The following PRPSAP2 variants were observed in gnomAD, a reference collection of about 807,000 sequenced individuals.
The protein encoded by PRPSAP2 is phosphoribosyl pyrophosphate synthetase associated protein 2, also known as phosphoribosyl pyrophosphate synthase-associated protein 2.
In PRPSAP2, 24 loss-of-function variants were observed where a neutral mutation model predicts 40.6. That is an observed-to-expected ratio of 0.59 (90% CI 0.43 to 0.83). The LOEUF (loss-of-function observed/expected upper bound fraction) is 0.83, where lower values mean the gene tolerates loss of function less well. Ranked by LOEUF, PRPSAP2 falls within the 40% of genes least tolerant of loss-of-function variation. PRPSAP2 has a pLI of 0.00. For synonymous variants in PRPSAP2, 149 were observed against 164.7 expected, an observed-to-expected ratio of 0.90 and a Z score of 0.73; for missense variants, 292 against 465.6, an observed-to-expected ratio of 0.63 and a Z score of 3.43.
At chr17:18,899,545 T>TTTTTTA (rs752831196) in intron 8 of PRPSAP2, among the ~76,000 whole-genome samples, 1 of 108,326 alleles carries the variant, frequency 9.2e-6, no homozygotes, top group Admixed American at 9.7e-5. Flanking sequence ...TTTTTTTTTT[T>TTTTTTA]GAGACAGGGT....
chr17:18,889,736 C>T, intron 7 of PRPSAP2, 86 bp from the exon 8 acceptor site: 3 of 1,112,070 alleles, frequency 2.7e-6, no homozygotes, highest in East Asian at 2.7e-5. Context: ...TTTTGGAAAA[C>T]TTTCAACTAG....
At chr17:18,914,729 C>T (rs1306523772) in intron 9 of PRPSAP2, among the ~76,000 whole-genome samples, 3 of 143,826 alleles carry the variant, frequency 2.1e-5, no homozygotes, top group Non-Finnish European at 4.5e-5. Context: ...TTTCACTGCC[C>T]TTTTTTTTTT....
Position 18,877,714 on chromosome 17 carries a change from A to T in PRPSAP2, c.256A>T (p.Ile86Phe). 1.2e-6 allele frequency: 2 copies of T among 1,609,242 alleles called. No homozygotes were observed. Among genetic ancestry groups the T allele is most frequent in the Non-Finnish European group, 1.7e-6 (2 of 1,178,646 alleles). ...QTVSKDVNTT[I>F]MELLIMVYAC... ...TTGTTACAGGGACGTGAACACCACC[A>T]TCATGGAGCTCCTGATCATGGTGTA... The change falls in exon 6 of 12, where the codon ATC becomes TTC. Residue 86 changes from isoleucine (I) to phenylalanine (F), a missense_variant. Ile to Phe is a conservative substitution (Grantham distance 21). Around this residue, in one of 2 missense-constraint regions of PRPSAP2, gnomAD observed 241 missense variants for 425.7 expected, o/e 0.57. Coordinates refer to ENST00000268835, the MANE Select transcript of PRPSAP2 (RefSeq NM_002767.4).
Position 18,911,348 on chromosome 17 carries a change from T to TA in PRPSAP2, c.733+98dup, listed in dbSNP as rs1555561224. The stretch of plus-strand genomic sequence containing the variant: ...TTTTTCCTCATTCTTCGTTTTTTTT[T>TA]AGTTGGCAAAAACTCATTAACACCT... On this transcript the variant is annotated intron_variant, in intron 9 of 11. Coordinates refer to ENST00000268835, the MANE Select transcript of PRPSAP2 (RefSeq NM_002767.4). The surrounding 1 kb of genome is among the most constrained non-coding windows in gnomAD (Gnocchi z 4.5). 1,474 of 1,238,728 alleles carry TA rather than the reference T, an allele frequency of 1.2e-3. 1 individual carries two copies. Among genetic ancestry groups the TA allele is most frequent in the South Asian group, 4.8e-3 (241 of 50,704 alleles). The allele number at this position is 1,238,728 out of a possible 1,614,324, so 76.7% of individuals were successfully genotyped here.
chr17:18,882,260 C>G (rs1442256170), intron 6 of PRPSAP2, among the ~76,000 whole-genome samples: 1 of 151,826 alleles, frequency 6.6e-6, no homozygotes, highest in Non-Finnish European at 1.5e-5. Flanking sequence ...GCCTGTATTC[C>G]CAGCACTTTG....
chr17:18,863,649 C>T (rs1008775157), intron 1 of PRPSAP2, among the ~76,000 whole-genome samples: 1 of 151,984 alleles, frequency 6.6e-6, no homozygotes, highest in African/African-American at 2.4e-5. Flanking sequence ...TCTTCTGCCT[C>T]AGCCTCCCGA....
chr17:18,885,514 C>G (rs1272753758), intron 7 of PRPSAP2, among the ~76,000 whole-genome samples: 2 of 151,356 alleles, frequency 1.3e-5, no homozygotes, highest in African/African-American at 4.9e-5. Flanking sequence ...CTCTGTCACT[C>G]AGGCTGGAGT....
intron 9 of PRPSAP2, among the ~76,000 whole-genome samples, chr17:18,922,742 T>G (rs2041760243): frequency 6.9e-6 from 1 of 145,824 alleles, no homozygotes; most frequent in Admixed American, 7.0e-5. Flanking sequence ...GGTGCAATCG[T>G]GGCTCACTGG....
intron 3 of PRPSAP2, 89 bp downstream of exon 3, chr17:18,866,041 AAGC>A (rs2037400491): frequency 1.1e-6 from 1 of 903,014 alleles, no homozygotes; most frequent in African/African-American, 1.8e-5. Flanking sequence ...TTAAATTTGA[AAGC>A]AGATATTTTA....
intron 6 of PRPSAP2, among the ~76,000 whole-genome samples, chr17:18,880,610 T>C (rs2038661563): frequency 6.6e-6 from 1 of 152,140 alleles, no homozygotes; most frequent in South Asian, 2.1e-4. Context: ...AGTCTCACCA[T>C]GTGGCCCAGG....
chr17:18,899,813 G>A (rs1452398051), intron 8 of PRPSAP2, among the ~76,000 whole-genome samples: 1 of 151,984 alleles, frequency 6.6e-6, no homozygotes, highest in East Asian at 1.9e-4. Context: ...TGGGATTACA[G>A]GTGTGAGCCA....
intron 8 of PRPSAP2, among the ~76,000 whole-genome samples, chr17:18,890,812 TA>T (rs2039500807): frequency 6.6e-6 from 1 of 152,164 alleles, no homozygotes; most frequent in African/African-American, 2.4e-5. Flanking sequence ...AACAGAATTT[TA>T]TCCAGCTGAG....
upstream of PRPSAP2, among the ~76,000 whole-genome samples, chr17:18,857,594 T>TTA (rs1328604526): frequency 5.5e-5 from 8 of 146,550 alleles, no homozygotes; most frequent in African/African-American, 5.2e-5. Context: ...TTTTTTTTTG[T>TTA]ATTTTTAGTA....
rs2040943405 is a variant in PRPSAP2 at position 18,911,286 on chromosome 17, T to C, written c.733+35T>C. The C allele has an allele frequency of 6.3e-7, 1 of 1,576,148 alleles. No individual in the cohort carries two copies. Among genetic ancestry groups the C allele is most frequent in the Non-Finnish European group, 8.7e-7 (1 of 1,156,008 alleles). On this transcript the variant is annotated intron_variant, in intron 9 of 11. Coordinates refer to ENST00000268835, the MANE Select transcript of PRPSAP2 (RefSeq NM_002767.4). This position sits in a 1 kb window ranked among gnomAD's most constrained non-coding sequence, Gnocchi z 4.5. ...CTGCTGCCTCTTTCCCACTTTCCTC[T>C]GATTTTAAGGCTGACTACACTGTTG...
At chr17:18,914,443 A>G (rs2151958081) in intron 9 of PRPSAP2, among the ~76,000 whole-genome samples, 1 of 141,336 alleles carries the variant, frequency 7.1e-6, no homozygotes, top group Admixed American at 7.1e-5. Context: ...TTTTTTTGGT[A>G]GAGACGGGGT....
At chr17:18,872,798 A>G in intron 5 of PRPSAP2, 149 bp downstream of exon 5, 1 of 637,884 alleles carries the variant, frequency 1.6e-6, no homozygotes, top group Non-Finnish European at 2.7e-6. Flanking sequence ...AAGTTTTCTG[A>G]CATAACTGCT....
intron 9 of PRPSAP2, among the ~76,000 whole-genome samples, chr17:18,912,612 A>G (rs1030307129): frequency 6.6e-6 from 1 of 152,172 alleles, no homozygotes. Flanking sequence ...AAATATGGGT[A>G]AGACTCCAGC....
At chr17:18,883,792 G>A (rs930242779) in intron 7 of PRPSAP2, among the ~76,000 whole-genome samples, 5 of 152,080 alleles carry the variant, frequency 3.3e-5, no homozygotes, top group African/African-American at 9.7e-5. Flanking sequence ...TTACAGTACT[G>A]TATTTAAAAG....
intron 9 of PRPSAP2, among the ~76,000 whole-genome samples, chr17:18,922,871 C>T (rs1311608160): frequency 2.0e-5 from 3 of 150,678 alleles, no homozygotes; most frequent in Non-Finnish European, 3.0e-5. Context: ...GACAGGGTTT[C>T]GCCATGTTGC....
Sources: gnomAD v4.1 joint callset for allele counts (sites outside exome capture counted in the v4.1 genomes callset) on GRCh38, gnomAD v4.1.1 for gene constraint, gnomAD v4.1.1 regional missense constraint, Gnocchi (gnomAD v3.1) non-coding constraint, MANE v1.5 for transcripts, NCBI Gene and HGNC (gene_info 2026-07-23, HGNC 2026-07-21) for gene names.